The following PCSK5 variants were observed in gnomAD, a reference collection of about 807,000 sequenced individuals.
PCSK5 encodes proprotein convertase subtilisin/kexin type 5, also known as prohormone convertase 5.
In PCSK5, 129 loss-of-function variants were observed where a neutral mutation model predicts 233.2. The ratio of observed to expected loss-of-function variants is 0.55; its 90% CI spans 0.48 to 0.64. The LOEUF (loss-of-function observed/expected upper bound fraction) is 0.64. PCSK5 is among the 30% of genes least tolerant of loss of function. The pLI is 0.00. For synonymous variants in PCSK5, 825 were observed against 879.2 expected, an observed-to-expected ratio of 0.94 and a Z score of 1.09; for missense variants, 2,076 against 2,430.1, an observed-to-expected ratio of 0.85 and a Z score of 3.06.
intron 35 of PCSK5, among the ~76,000 whole-genome samples, chr9:76,346,343 G>A (rs1242580275): frequency 2.0e-5 from 3 of 152,024 alleles, no homozygotes; most frequent in Non-Finnish European, 4.4e-5. Context: ...AGATTTCCTG[G>A]GTGAATTAAG....
intron 1 of PCSK5, among the ~76,000 whole-genome samples, chr9:75,907,876 G>A (rs572879457): frequency 2.0e-5 from 3 of 152,340 alleles, no homozygotes; most frequent in South Asian, 4.1e-4. Context: ...TTTGGTGCGC[G>A]TGAAAGGTCC....
intron 24 of PCSK5, among the ~76,000 whole-genome samples, chr9:76,255,033 TC>T (rs1197010028): frequency 1.3e-5 from 2 of 152,154 alleles, no homozygotes; most frequent in African/African-American, 4.8e-5. Flanking sequence ...ATGCCTGTAA[TC>T]CCAACACCTT....
chr9:76,093,565 T>TTA (rs763686948), intron 7 of PCSK5, among the ~76,000 whole-genome samples: 1,519 of 146,594 alleles, frequency 0.01, 14 homozygotes, highest in African/African-American at 0.025. Flanking sequence ...TGTCATAATT[T>TTA]TATATATATA....
intron 1 of PCSK5, among the ~76,000 whole-genome samples, chr9:75,923,162 T>C (rs1463359285): frequency 6.6e-6 from 1 of 152,210 alleles, no homozygotes; most frequent in African/African-American, 2.4e-5. Flanking sequence ...GCTGACCTGG[T>C]TTCAAATCCT....
At chr9:76,285,725 G>C (rs116866306) in intron 24 of PCSK5, among the ~76,000 whole-genome samples, 2,129 of 152,044 alleles carry the variant, frequency 0.014, 28 homozygotes, top group Non-Finnish European at 0.023. Flanking sequence ...GGCAGATATA[G>C]ACATTCTATG....
At chr9:76,132,313 T>C (rs898446572) in intron 9 of PCSK5, among the ~76,000 whole-genome samples, 1 of 152,092 alleles carries the variant, frequency 6.6e-6, no homozygotes, top group African/African-American at 2.4e-5. Flanking sequence ...TCTTGAAAGT[T>C]TTTTGCTTTA....
rs77003908 is a variant in PCSK5, at chr9:76,024,549, A to G, written c.555+668A>G. On this transcript the variant is annotated intron_variant, in intron 4 of 37. Coordinates refer to ENST00000674117, the MANE Select transcript of PCSK5 (RefSeq NM_001372043.1). Reference sequence around the variant, plus strand: ...ATGGTCAGATAGAAGAATAGAAACTATGGCTGCCTGTGCCCCAGCAGAGAT... The same window carrying G: ...ATGGTCAGATAGAAGAATAGAAACTGTGGCTGCCTGTGCCCCAGCAGAGAT... 1.9e-3 allele frequency among the ~76,000 whole-genome samples: 283 copies of G among 152,330 alleles called. 4 individuals carry two copies. The East Asian group carries it at 0.022, about 12-fold the overall frequency.
At chr9:76,358,460 A>G (rs1210976608) in intron 37 of PCSK5, 53 bp from the exon 38 acceptor site, 6 of 1,421,300 alleles carry the variant, frequency 4.2e-6, no homozygotes, top group East Asian at 2.3e-5. Flanking sequence ...TCTCTATTCT[A>G]TTTCTTTCAC....
chr9:76,350,643 A>C (rs1364953482), intron 35 of PCSK5, among the ~76,000 whole-genome samples, 185 bp from the exon 36 acceptor site: 1 of 152,262 alleles, frequency 6.6e-6, no homozygotes, highest in Non-Finnish European at 1.5e-5. Flanking sequence ...GAGAGTCTAC[A>C]TAGATTGAAC....
intron 24 of PCSK5, among the ~76,000 whole-genome samples, chr9:76,241,355 T>C (rs1826425988): frequency 6.6e-6 from 1 of 152,166 alleles, no homozygotes; most frequent in Non-Finnish European, 1.5e-5. Flanking sequence ...GGCAGGAGAA[T>C]TGCTTGAACC....
At chr9:76,033,320 G>A (rs537839833) in intron 5 of PCSK5, among the ~76,000 whole-genome samples, 11 of 152,222 alleles carry the variant, frequency 7.2e-5, no homozygotes, top group African/African-American at 2.2e-4. Flanking sequence ...CAAGGATTTG[G>A]CCAAATATGT....
chr9:76,046,181 T>TG (rs1829379752), intron 5 of PCSK5, among the ~76,000 whole-genome samples: 1 of 122,978 alleles, frequency 8.1e-6, no homozygotes, highest in South Asian at 2.9e-4. Context: ...TTTTTTTTTT[T>TG]TTTTTTTTTT....
At chr9:75,900,694 A>C (rs1287877250) in intron 1 of PCSK5, among the ~76,000 whole-genome samples, 1 of 140,032 alleles carries the variant, frequency 7.1e-6, no homozygotes, top group Non-Finnish European at 1.6e-5. Flanking sequence ...AAAAAAAAAA[A>C]CAAACAACTT....
chr9:75,924,222 C>G (rs1823378658), intron 1 of PCSK5, among the ~76,000 whole-genome samples: 1 of 152,106 alleles, frequency 6.6e-6, no homozygotes, highest in African/African-American at 2.4e-5. Flanking sequence ...TTAAAAATAT[C>G]TATACTGTAG....
rs1283826920 is a variant in PCSK5 at position 76,354,026 on chromosome 9, T to C, written c.5068-7T>C. On this transcript the variant is annotated splice_polypyrimidine_tract_variant and splice_region_variant and intron_variant, in intron 36 of 37. Transcript: ENST00000674117. ...CTCAAAAGGAACCTCTTGATTGCTCTTAACAGGGAGAGAAGTTTAACTGTG... is the reference window on the plus strand; with the variant it reads ...CTCAAAAGGAACCTCTTGATTGCTCCTAACAGGGAGAGAAGTTTAACTGTG... 1.2e-6 allele frequency: 2 copies of C among 1,602,894 alleles called. No individual in the cohort carries two copies. The highest frequency in any genetic ancestry group is 1.7e-6 in the Non-Finnish European group (2 of 1,174,810).
chr9:76,119,478 T>C (rs1832552950), intron 9 of PCSK5, among the ~76,000 whole-genome samples: 1 of 152,088 alleles, frequency 6.6e-6, no homozygotes, highest in Non-Finnish European at 1.5e-5. Context: ...TGTTTTACCC[T>C]AAATGAGTCC....
chr9:76,241,987 C>T (rs1564130082), intron 24 of PCSK5, among the ~76,000 whole-genome samples: 1 of 152,148 alleles, frequency 6.6e-6, no homozygotes, highest in Non-Finnish European at 1.5e-5. Flanking sequence ...CCCAGTGAGG[C>T]TAATGCTGTT....
intron 5 of PCSK5, among the ~76,000 whole-genome samples, chr9:76,065,913 T>G (rs1830270235): frequency 6.6e-6 from 1 of 152,184 alleles, no homozygotes; most frequent in African/African-American, 2.4e-5. Context: ...GCCTATTCTT[T>G]CCCCAGTATA....
At chr9:75,938,849 G>A (rs1180555715) in intron 2 of PCSK5, among the ~76,000 whole-genome samples, 1 of 152,156 alleles carries the variant, frequency 6.6e-6, no homozygotes, top group Non-Finnish European at 1.5e-5. Flanking sequence ...GGTGATTTGT[G>A]TGCCAGAGTG....
Sources: allele counts gnomAD v4.1 joint callset (sites outside exome capture counted in the v4.1 genomes callset), GRCh38; gene constraint gnomAD v4.1.1; transcripts MANE v1.5; gene names NCBI Gene and HGNC (gene_info 2026-07-23, HGNC 2026-07-21).